The following STIP1 variants were observed in gnomAD, a reference collection of about 807,000 sequenced individuals.
The protein encoded by STIP1 is stress-induced-phosphoprotein 1.
A neutral mutation model predicts 77.4 loss-of-function variants in STIP1; 16 were observed. The observed-to-expected ratio is 0.21, with a 90% confidence interval of 0.14 to 0.31. The LOEUF is 0.31. STIP1 is among the 10% of genes least tolerant of loss of function. STIP1 has a pLI of 1.00. For synonymous variants in STIP1, 258 were observed against 246.6 expected, an observed-to-expected ratio of 1.05 and a Z score of -0.44; for missense variants, 524 against 684.8, an observed-to-expected ratio of 0.77 and a Z score of 2.62.
chr11:64,187,377 GAC>G (rs1030907533), intron 1 of STIP1, among the ~76,000 whole-genome samples: 1 of 151,842 alleles, frequency 6.6e-6, no homozygotes, highest in Non-Finnish European at 1.5e-5. Context: ...ACTTGGGGGT[GAC>G]AATTCTGAAA....
chr11:64,200,374 T>G, intron 10 of STIP1, 81 bp downstream of exon 10: 7 of 1,516,616 alleles, frequency 4.6e-6, no homozygotes, highest in Non-Finnish European at 6.2e-6. Context: ...TCATCAACAT[T>G]GAGTTGATGA....
Position 64,197,366 on chromosome 11 carries a change from C to T in STIP1, c.768C>T (p.Pro256=). The stretch of plus-strand genomic sequence containing the variant: ...ACGACAAAGCCAAGGAGCTGGACCC[C>T]ACTAACATGACTTACATTACCAATC... ...KHYDKAKELD[P]TNMTYITNQA... Residue 256 remains proline, a synonymous_variant, in exon 6 of 14, where the codon CCC becomes CCT. Coordinates refer to ENST00000305218, the MANE Select transcript of STIP1 (RefSeq NM_006819.3). 5.0e-6 allele frequency: 8 copies of T among 1,613,938 alleles called. No individual in the cohort carries two copies. Among genetic ancestry groups the T allele is most frequent in the South Asian group, 2.2e-5 (2 of 91,060 alleles).
chr11:64,185,994 C>T, upstream of STIP1: 1 of 1,542,210 alleles, frequency 6.5e-7, no homozygotes, highest in Non-Finnish European at 8.7e-7. Context: ...TAGAGGAGCG[C>T]CCAATCCTGA....
At position 64,204,424 on chromosome 11, in the gene STIP1, G is replaced by A. The variant is rs1946261582; in HGVS notation, c.*298G>A. Reference sequence around the variant, plus strand: ...CCATAGTTGGTTTTTTTTTTATTTGGGGCAGTGGGCATGTTATGGGGAGGG... The same window carrying A: ...CCATAGTTGGTTTTTTTTTTATTTGAGGCAGTGGGCATGTTATGGGGAGGG... On this transcript the variant is annotated 3_prime_UTR_variant, in exon 14 of 14. Coordinates refer to ENST00000305218, the MANE Select transcript of STIP1 (RefSeq NM_006819.3). 7.2e-6 allele frequency: 3 copies of A among 419,346 alleles called. No individual in the cohort carries two copies. The South Asian group carries it at 1.4e-4, about 20-fold the overall frequency. 26.0% of individuals were successfully genotyped at this position (419,346 alleles called of 1,614,324 possible). A position where few individuals can be genotyped will look rare whatever the true frequency, so the allele number is the denominator to read the frequency against.
chr11:64,195,990 C>A (rs1946146205), intron 5 of STIP1, 177 bp downstream of exon 5: 2 of 814,076 alleles, frequency 2.5e-6, no homozygotes, highest in Non-Finnish European at 3.8e-6. Flanking sequence ...GATGCTCCTG[C>A]TTCAGCTAGG....
rs767782941 is a variant in STIP1, at chr11:64,194,640, T to A, written c.503+20T>A. On this transcript the variant is annotated intron_variant, in intron 4 of 13. Coordinates refer to ENST00000305218, the MANE Select transcript of STIP1 (RefSeq NM_006819.3). ...GGGCACGTAAGTGGACGCCGCTCAC[T>A]GAGGTTCTGGAAATCGGGGAATGTT... is the stretch of plus-strand genomic sequence containing the variant. The A allele has an allele frequency of 1.2e-6, 2 of 1,608,736 alleles. No homozygotes were observed. Among genetic ancestry groups the A allele is most frequent in the African/African-American group, 2.7e-5 (2 of 74,816 alleles).
At chr11:64,193,676 A>G (rs1946116688) in intron 2 of STIP1, among the ~76,000 whole-genome samples, 1 of 152,072 alleles carries the variant, frequency 6.6e-6, no homozygotes, top group Non-Finnish European at 1.5e-5. Context: ...AGTCCCATCT[A>G]CTCAGGAGAC....
Position 64,197,575 on chromosome 11 carries a change from A to C in STIP1, c.882A>C (p.Glu294Asp). 6.2e-7 allele frequency: 1 copy of C among 1,614,162 alleles called. No individual in the cohort carries two copies. Among genetic ancestry groups the C allele is most frequent in the Non-Finnish European group, 8.5e-7 (1 of 1,180,014 alleles). ...KAIEVGRENR[E>D]DYRQIAKAYA... ...TTGAAGTGGGGAGAGAAAACCGAGAAGACTATCGACAGATTGCCAAGTAGG... is the reference window on the plus strand; with the variant it reads ...TTGAAGTGGGGAGAGAAAACCGAGACGACTATCGACAGATTGCCAAGTAGG... The change falls in exon 7 of 14, where the codon GAA (glutamate) becomes GAC (aspartate). Residue 294 changes from glutamate to aspartate, a missense_variant. By Grantham distance (45) the Glu-to-Asp change is conservative. Transcript: ENST00000305218.
Position 64,200,049 on chromosome 11 carries a change from G to C in STIP1, c.1120+13G>C, listed in dbSNP as rs1360001913. On this transcript the variant is annotated intron_variant, in intron 9 of 13. Transcript: ENST00000305218. ...TGTTTTCAGAAAGGTACTGCCTGCA[G>C]CTGGGGGATTGGGGGAGCAGTGCTG... is the stretch of plus-strand genomic sequence containing the variant. The C allele has an allele frequency of 1.2e-6, 2 of 1,614,098 alleles. No individual in the cohort carries two copies. The highest frequency in any genetic ancestry group is 2.7e-5 in the African/African-American group (2 of 74,938).
upstream of STIP1, chr11:64,186,164 T>A (rs1488936421): frequency 3.2e-6 from 5 of 1,549,734 alleles, no homozygotes; most frequent in Admixed American, 9.8e-5. Flanking sequence ...GGAGCCGGGG[T>A]CCCGGTAGCT....
At chr11:64,198,556 A>G (rs1312523756) in intron 8 of STIP1, among the ~76,000 whole-genome samples, 2 of 152,210 alleles carry the variant, frequency 1.3e-5, no homozygotes, top group African/African-American at 4.8e-5. Context: ...TGTGTTGCCC[A>G]GGTTGGTCTT....
At chr11:64,192,946 G>T (rs1006085364) in intron 1 of STIP1, 132 bp from the exon 2 acceptor site, 2 of 856,574 alleles carry the variant, frequency 2.3e-6, no homozygotes, top group African/African-American at 1.7e-5. Flanking sequence ...TAAATGAACC[G>T]GTTTTCTCTC....
At chr11:64,189,078 C>T (rs539826489) in intron 1 of STIP1, among the ~76,000 whole-genome samples, 1 of 152,234 alleles carries the variant, frequency 6.6e-6, no homozygotes, top group East Asian at 1.9e-4. Flanking sequence ...AAAAGAAAAA[C>T]TGGGCCGGGC....
At chr11:64,194,961 A>G (rs1345695091) in intron 4 of STIP1, among the ~76,000 whole-genome samples, 1 of 152,118 alleles carries the variant, frequency 6.6e-6, no homozygotes, top group African/African-American at 2.4e-5. Flanking sequence ...ATGTGTAAAG[A>G]TGTGTCTAAA....
intron 1 of STIP1, among the ~76,000 whole-genome samples, chr11:64,186,736 C>T (rs1294938191): frequency 5.9e-5 from 9 of 152,268 alleles, no homozygotes; most frequent in East Asian, 5.8e-4. Flanking sequence ...GGAACTTGGA[C>T]GGATCCAGGG....
In STIP1 at chr11:64,200,302, A is replaced by G; in HGVS notation, c.1245+9A>G. The G allele has an allele frequency of 5.6e-6, 9 of 1,602,088 alleles. No homozygotes were observed. The highest frequency in any genetic ancestry group is 7.7e-6 in the Non-Finnish European group (9 of 1,175,676). On this transcript the variant is annotated intron_variant, in intron 10 of 13. Transcript: ENST00000305218. Reference sequence around the variant, plus strand: ...TCCAGCTGGCACTCAAGGTGACGAGACCTGTGGGGGCGGCCATTACTGAAA... The same window carrying G: ...TCCAGCTGGCACTCAAGGTGACGAGGCCTGTGGGGGCGGCCATTACTGAAA...
Position 64,199,988 on chromosome 11 carries a change from G to T in STIP1, c.1072G>T (p.Asp358Tyr), listed in dbSNP as rs767754733. Reference sequence around the variant, plus strand: ...AGAGCGGCTGGCCTACATAAACCCCGACCTGGCTTTGGAGGAGAAGAACAA... The same window carrying T: ...AGAGCGGCTGGCCTACATAAACCCCTACCTGGCTTTGGAGGAGAAGAACAA... ...EQERLAYINP[D>Y]LALEEKNKGN... The change falls in exon 9 of 14, where the codon GAC becomes TAC. Residue 358 changes from aspartate to tyrosine, a missense_variant. Transcript: ENST00000305218. 3.7e-6 allele frequency: 6 copies of T among 1,614,160 alleles called. No individual in the cohort carries two copies. The South Asian group carries it at 6.6e-5, about 18-fold the overall frequency.
Position 64,204,079 on chromosome 11 carries a change from C to G in STIP1, c.1585C>G (p.Gln529Glu), listed in dbSNP as rs1230974058. Reference sequence around the variant, plus strand: ...ACACTTAAAGAATCCTGTAATAGCACAGAAGATCCAGAAGCTGATGGATGT... The same window carrying G: ...ACACTTAAAGAATCCTGTAATAGCAGAGAAGATCCAGAAGCTGATGGATGT... ...SEHLKNPVIA[Q>E]KIQKLMDVGL... Residue 529 changes from glutamine (Q) to glutamate (E), a missense_variant, in exon 14 of 14, where the codon CAG becomes GAG. Coordinates refer to ENST00000305218, the MANE Select transcript of STIP1 (RefSeq NM_006819.3). The G allele has an allele frequency of 6.2e-7, 1 of 1,614,172 alleles. No individual in the cohort carries two copies. The highest frequency in any genetic ancestry group is 1.1e-5 in the South Asian group (1 of 91,084).
At chr11:64,185,964 GC>G, upstream of STIP1, 1 of 1,538,580 alleles carries the variant, frequency 6.5e-7, no homozygotes, top group Non-Finnish European at 8.7e-7. Flanking sequence ...CATTCGTGGA[GC>G]CTGAGATGGG....
Sources: allele counts gnomAD v4.1 joint callset (sites outside exome capture counted in the v4.1 genomes callset), GRCh38; gene constraint gnomAD v4.1.1; transcripts MANE v1.5; gene names NCBI Gene and HGNC (gene_info 2026-07-23, HGNC 2026-07-21).